ZNF536: variants seen among roughly 807,000 people sequenced by gnomAD.
The protein encoded by ZNF536 is zinc finger protein 536.
A neutral mutation model predicts 84.5 loss-of-function variants in ZNF536; 13 were observed. The observed-to-expected ratio is 0.15, with a 90% CI of 0.10 to 0.24. The LOEUF (loss-of-function observed/expected upper bound fraction) is 0.24, where lower values mean the gene tolerates loss of function less well. ZNF536 is among the 10% of genes least tolerant of loss of function. ZNF536 has a pLI of 1.00. For synonymous variants in ZNF536, 811 were observed against 742.5 expected, an observed-to-expected ratio of 1.09 and a Z score of -1.50; for missense variants, 1,536 against 1,747.5, an observed-to-expected ratio of 0.88 and a Z score of 2.16.
At chr19:30,635,261 G>C (rs1446715987) in intron 1 of ZNF536, among the ~76,000 whole-genome samples, 1 of 152,240 alleles carries the variant, frequency 6.6e-6, no homozygotes, top group African/African-American at 2.4e-5. Context: ...GATTGGAGAT[G>C]GTGCAGTGTT....
intron 1 of ZNF536, among the ~76,000 whole-genome samples, chr19:30,669,539 G>C (rs1337173421): frequency 6.6e-6 from 1 of 152,178 alleles, no homozygotes; most frequent in African/African-American, 2.4e-5. Context: ...GGGGTCCCTT[G>C]GCCTCCCTGT....
chr19:30,559,732 C>T (rs563397601), downstream of ZNF536, among the ~76,000 whole-genome samples: 43 of 152,244 alleles, frequency 2.8e-4, no homozygotes, highest in African/African-American at 8.7e-4. Flanking sequence ...CTGAAGGGAA[C>T]GGATCTTCCC....
chr19:30,695,963 C>A (rs2051639864), intron 1 of ZNF536, among the ~76,000 whole-genome samples: 1 of 152,198 alleles, frequency 6.6e-6, no homozygotes, highest in Admixed American at 6.5e-5. Context: ...AAATGTGTAT[C>A]ATAGGTGCTG....
At chr19:30,407,103 G>T (rs2050290574) in intron 1 of ZNF536, among the ~76,000 whole-genome samples, 1 of 152,116 alleles carries the variant, frequency 6.6e-6, no homozygotes, top group Non-Finnish European at 1.5e-5. Context: ...GCTGGATAAA[G>T]GATCACCGGA....
At chr19:30,491,689 A>G (rs949360286) in intron 2 of ZNF536, among the ~76,000 whole-genome samples, 1 of 152,186 alleles carries the variant, frequency 6.6e-6, no homozygotes, top group African/African-American at 2.4e-5. Flanking sequence ...TTTTGAAATA[A>G]TAGGTGCTAG....
rs147140783 is a variant in ZNF536, at chr19:30,468,623, G to A, written c.2170+22891G>A. ...TGCAGGGGTTCGTGAGGGCTGTGGG[G>A]TTCTTGATGGTGGTTGGGAGAGCTG... On this transcript the variant is annotated intron_variant, in intron 2 of 4. Transcript: ENST00000355537. Among the ~76,000 whole-genome samples the A allele has an allele frequency of 3.1e-4, 47 of 152,260 alleles. No individual in the cohort carries two copies. The East Asian group carries it at 9.1e-3, about 29-fold the overall frequency.
In ZNF536 at chr19:30,700,180, T is replaced by TTTTCTTTCCTTC. The variant is rs1212908402; in HGVS notation, c.170-10544_170-10533dup. Among the ~76,000 whole-genome samples, 6 of 126,694 alleles carry TTTTCTTTCCTTC rather than the reference T, an allele frequency of 4.7e-5. No homozygotes were observed. The South Asian group carries it at 1.1e-3, about 22-fold the overall frequency. The allele number at this position is 126,694 out of a possible 152,430, so 83.1% of individuals were successfully genotyped here. On this transcript the variant is annotated intron_variant, in intron 1 of 1. Coordinates refer to the ZNF536 transcript ENST00000592773. ...CTTCTTTCTTTTCTTTCCTTCTTTC[T>TTTTCTTTCCTTC]TTTCTTTCCTTCTTTCTTTCCTTCT...
chr19:30,397,942 A>T (rs1171935447), intron 1 of ZNF536, among the ~76,000 whole-genome samples: 1 of 152,238 alleles, frequency 6.6e-6, no homozygotes, highest in Non-Finnish European at 1.5e-5. Flanking sequence ...GGATGTTAGA[A>T]AGTACAAACA....
At chr19:30,471,803 G>GT (rs1397056476) in intron 2 of ZNF536, among the ~76,000 whole-genome samples, 1 of 152,204 alleles carries the variant, frequency 6.6e-6, no homozygotes, top group Admixed American at 6.5e-5. Flanking sequence ...GGAGCCAGTG[G>GT]TTAGTAACAA....
At chr19:30,275,411 T>G (rs1435838953) in intron 1 of ZNF536, among the ~76,000 whole-genome samples, 6 of 152,296 alleles carry the variant, frequency 3.9e-5, no homozygotes. Flanking sequence ...CCAAGCTCTG[T>G]GCGTGCTCCT....
chr19:30,653,886 G>A (rs892057630), intron 1 of ZNF536, among the ~76,000 whole-genome samples: 3 of 152,182 alleles, frequency 2.0e-5, no homozygotes, highest in Non-Finnish European at 4.4e-5. Flanking sequence ...TGGAGGCTGC[G>A]TGCCCCCCTG....
intron 2 of ZNF536, among the ~76,000 whole-genome samples, chr19:30,292,619 TC>T (rs2045879518): frequency 6.6e-6 from 1 of 152,146 alleles, no homozygotes; most frequent in East Asian, 1.9e-4. Context: ...CTGCTAGGCC[TC>T]TAGGGGACTT....
chr19:30,567,953 A>C (rs1029449619), intron 1 of ZNF536, among the ~76,000 whole-genome samples: 1 of 152,140 alleles, frequency 6.6e-6, no homozygotes, highest in African/African-American at 2.4e-5. Flanking sequence ...TTTCTGTTAA[A>C]ACTGTTTAAA....
At chr19:30,515,247 G>A (rs1162173641) in intron 2 of ZNF536, among the ~76,000 whole-genome samples, 1 of 152,210 alleles carries the variant, frequency 6.6e-6, no homozygotes, top group Non-Finnish European at 1.5e-5. Context: ...GGGCACCAGA[G>A]TGAGACCCTG....
intron 1 of ZNF536, among the ~76,000 whole-genome samples, chr19:30,409,199 T>A (rs1384511286): frequency 6.6e-6 from 1 of 152,228 alleles, no homozygotes; most frequent in Non-Finnish European, 1.5e-5. Flanking sequence ...TGTAGAATGG[T>A]GTCTGGCATA....
At chr19:30,428,743 T>G (rs1480973014) in intron 1 of ZNF536, among the ~76,000 whole-genome samples, 1 of 152,156 alleles carries the variant, frequency 6.6e-6, no homozygotes, top group African/African-American at 2.4e-5. Context: ...AGATGGATGG[T>G]GCACTGAGGG....
intron 1 of ZNF536, among the ~76,000 whole-genome samples, chr19:30,408,576 C>A (rs189806813): frequency 6.6e-6 from 1 of 152,278 alleles, no homozygotes; most frequent in Non-Finnish European, 1.5e-5. Context: ...ATTTCAGCAG[C>A]TGGGAGGGAT....
chr19:30,703,617 A>G (rs2052091246), intron 1 of ZNF536, among the ~76,000 whole-genome samples: 2 of 152,140 alleles, frequency 1.3e-5, no homozygotes, highest in African/African-American at 4.8e-5. Context: ...TCATGGTGCT[A>G]CCTGCGGCAG....
At chr19:30,573,818 C>T (rs113137883) in intron 1 of ZNF536, among the ~76,000 whole-genome samples, 4 of 152,274 alleles carry the variant, frequency 2.6e-5, no homozygotes, top group African/African-American at 9.6e-5. Context: ...CTCAGACCTG[C>T]CTGCACCATG....
Sources: allele counts gnomAD v4.1 joint callset (sites outside exome capture counted in the v4.1 genomes callset), GRCh38; gene constraint gnomAD v4.1.1; transcripts MANE v1.5; gene names NCBI Gene and HGNC (gene_info 2026-07-23, HGNC 2026-07-21).